Variants in TEAD1 observed in about 807,000 individuals in gnomAD.
The protein encoded by TEAD1 is transcriptional enhancer factor TEF-1.
TEAD1 carries 9 observed loss-of-function variants against 54.9 expected under a neutral mutation model. The ratio of observed to expected loss-of-function variants is 0.16; its 90% CI spans 0.10 to 0.29. TEAD1 has a LOEUF of 0.29. TEAD1 is among the 10% of genes least tolerant of loss of function. The pLI is 1.00. For synonymous variants in TEAD1, 200 were observed against 187.8 expected (o/e 1.07, Z -0.53); for missense variants, 387 against 535.9 (o/e 0.72, Z 2.74).
In TEAD1 at chr11:12,937,330, G is replaced by T; in HGVS notation, c.*108G>T. ...ACTGACTGTAAACCTCACCACACAG[G>T]GTGGTGCCCTGGCCCCGAGGTCACC... On this transcript the variant is annotated 3_prime_UTR_variant, in exon 13 of 13. Coordinates refer to ENST00000527636, the MANE Select transcript of TEAD1 (RefSeq NM_021961.6). 2.9e-5 allele frequency: 28 copies of T among 960,248 alleles called. No individual in the cohort carries two copies. The highest frequency in any genetic ancestry group is 4.5e-5 in the Non-Finnish European group (28 of 623,728). 59.5% of individuals were successfully genotyped at this position (960,248 alleles called of 1,614,324 possible).
At chr11:12,683,898 C>T (rs1218874256) in intron 2 of TEAD1, among the ~76,000 whole-genome samples, 1 of 152,096 alleles carries the variant, frequency 6.6e-6, no homozygotes, top group Non-Finnish European at 1.5e-5. Context: ...GCTAGTGTGG[C>T]CTTGCACAAA....
intron 2 of TEAD1, among the ~76,000 whole-genome samples, chr11:12,684,614 G>A (rs1370758863): frequency 3.3e-5 from 5 of 152,148 alleles, no homozygotes; most frequent in East Asian, 1.9e-4. Context: ...CTCTGTGCCC[G>A]CAGTTTCCCC....
chr11:12,791,307 A>G (rs1237063227), intron 3 of TEAD1, among the ~76,000 whole-genome samples: 9 of 152,178 alleles, frequency 5.9e-5, no homozygotes, highest in Non-Finnish European at 4.4e-5. Context: ...TTATCAAGTA[A>G]AAGTATCTGG....
chr11:12,818,061 T>C (rs1003828122), intron 3 of TEAD1, among the ~76,000 whole-genome samples: 1 of 152,210 alleles, frequency 6.6e-6, no homozygotes, highest in African/African-American at 2.4e-5. Flanking sequence ...AGATAACCTA[T>C]AGGAAATTGG....
chr11:12,821,739 C>A (rs530180767), intron 3 of TEAD1, among the ~76,000 whole-genome samples: 1 of 152,068 alleles, frequency 6.6e-6, no homozygotes, highest in East Asian at 1.9e-4. Flanking sequence ...GATCAACAAC[C>A]TGTGTGGAAC....
intron 3 of TEAD1, among the ~76,000 whole-genome samples, chr11:12,789,307 T>C (rs1945747997): frequency 1.3e-5 from 2 of 152,200 alleles, no homozygotes; most frequent in Admixed American, 6.5e-5. Flanking sequence ...ACACATAAGC[T>C]CTCAGCACAT....
chr11:12,716,687 TC>T (rs1196404610), intron 2 of TEAD1, among the ~76,000 whole-genome samples: 1 of 152,220 alleles, frequency 6.6e-6, no homozygotes, highest in African/African-American at 2.4e-5. Context: ...GTGGCTATGT[TC>T]CAGTAAAATC....
intron 2 of TEAD1, among the ~76,000 whole-genome samples, chr11:12,753,565 A>G (rs1191662867): frequency 6.6e-6 from 1 of 152,204 alleles, no homozygotes; most frequent in African/African-American, 2.4e-5. Context: ...TATGTTTCAT[A>G]AAATACATTA....
In TEAD1 at chr11:12,943,400, T is replaced by G. The variant is rs2134183621; in HGVS notation, c.*6178T>G. On this transcript the variant is annotated 3_prime_UTR_variant, in exon 13 of 13. Coordinates refer to ENST00000527636, the MANE Select transcript of TEAD1 (RefSeq NM_021961.6). ...AAGCCGTTGCTTATATCGTTAAGAA[T>G]GAAGGTTTGTGTTTAAAATTTATTG... 6.5e-6 allele frequency: 1 copy of G among 152,758 alleles called. No homozygotes were observed. Among genetic ancestry groups the G allele is most frequent in the East Asian group, 1.9e-4 (1 of 5,190 alleles). The allele number at this position is 152,758 out of a possible 1,614,324, so 9.5% of individuals were successfully genotyped here.
intron 2 of TEAD1, among the ~76,000 whole-genome samples, chr11:12,706,336 T>C (rs1022190424): frequency 2.0e-5 from 3 of 152,216 alleles, no homozygotes; most frequent in Non-Finnish European, 4.4e-5. Flanking sequence ...GGTTTCTGGG[T>C]TAGTTTAATT....
At chr11:12,788,320 C>T (rs933483654) in intron 3 of TEAD1, among the ~76,000 whole-genome samples, 4 of 151,822 alleles carry the variant, frequency 2.6e-5, no homozygotes, top group African/African-American at 7.3e-5. Flanking sequence ...TTAGTAGTGA[C>T]GGGGTTTCAC....
At chr11:12,843,427 G>T (rs1468619318) in intron 3 of TEAD1, among the ~76,000 whole-genome samples, 1 of 152,206 alleles carries the variant, frequency 6.6e-6, no homozygotes, top group African/African-American at 2.4e-5. Context: ...CATTTTTGTG[G>T]ATGTAATAAA....
At position 12,709,566 on chromosome 11, in the gene TEAD1, GT is replaced by G. The variant is rs1240733051; in HGVS notation, c.-55+34007del. Among the ~76,000 whole-genome samples, 21 of 152,124 alleles carry G rather than the reference GT, an allele frequency of 1.4e-4. No individual in the cohort carries two copies. In the East Asian group the frequency reaches 3.9e-3, roughly 28 times the overall value. On this transcript the variant is annotated intron_variant, in intron 2 of 12. Transcript: ENST00000527636. ...ATGAGGGTCTTGCTTTATCTTCCAG[GT>G]TGGAGTGCAATGGTGTGATCGTAGC...
intron 4 of TEAD1, 99 bp from the exon 5 acceptor site, chr11:12,864,739 C>T (rs189779074): frequency 2.5e-5 from 40 of 1,608,792 alleles, no homozygotes; most frequent in Middle Eastern, 3.3e-4. Flanking sequence ...AAATTCAAGC[C>T]GCCATTAAGG....
Position 12,901,720 on chromosome 11 carries a change from C to T in TEAD1, c.700-220C>T, listed in dbSNP as rs562733895. Reference sequence around the variant, plus strand: ...GCAAAAAAGCCTTTTTTAGATATTTCGGAAAATATATGCCCTTGTCAGTAA... The same window carrying T: ...GCAAAAAAGCCTTTTTTAGATATTTTGGAAAATATATGCCCTTGTCAGTAA... On this transcript the variant is annotated intron_variant, in intron 9 of 12. Coordinates refer to ENST00000527636, the MANE Select transcript of TEAD1 (RefSeq NM_021961.6). Among the ~76,000 whole-genome samples, 31 of 152,198 alleles carry T rather than the reference C, an allele frequency of 2.0e-4. No individual in the cohort carries two copies. In the East Asian group the frequency reaches 3.5e-3, roughly 17 times the overall value.
chr11:12,912,683 A>C (rs71481078), intron 10 of TEAD1, among the ~76,000 whole-genome samples: 1 of 152,194 alleles, frequency 6.6e-6, no homozygotes, highest in African/African-American at 2.4e-5. Context: ...GATAGCTTGG[A>C]AAATGAGCAC....
chr11:12,807,036 T>C (rs1590170269), intron 3 of TEAD1, among the ~76,000 whole-genome samples: 1 of 152,330 alleles, frequency 6.6e-6, no homozygotes, highest in East Asian at 1.9e-4. Context: ...CATTGCACTT[T>C]GTTTTATTTT....
chr11:12,713,374 G>A (rs988996339), intron 2 of TEAD1, among the ~76,000 whole-genome samples: 2 of 152,208 alleles, frequency 1.3e-5, no homozygotes, highest in African/African-American at 2.4e-5. Flanking sequence ...ATTGGGGATT[G>A]TCTCTAGATT....
At chr11:12,710,847 G>T (rs2133851416) in intron 2 of TEAD1, among the ~76,000 whole-genome samples, 1 of 152,264 alleles carries the variant, frequency 6.6e-6, no homozygotes, top group South Asian at 2.1e-4. Context: ...GAGGAGGAAT[G>T]ATGGTATGTA....
Sources: gnomAD v4.1 joint callset for allele counts (sites outside exome capture counted in the v4.1 genomes callset) on GRCh38, gnomAD v4.1.1 for gene constraint, MANE v1.5 for transcripts, NCBI Gene and HGNC (gene_info 2026-07-23, HGNC 2026-07-21) for gene names.